Variants in TTC28 observed in about 807,000 individuals in gnomAD.
TTC28 encodes tetratricopeptide repeat protein 28.
TTC28 carries 61 observed loss-of-function variants against 198.0 expected under a neutral mutation model. The observed-to-expected ratio is 0.31, with a 90% confidence interval of 0.25 to 0.38. The LOEUF is 0.38. Ranked by LOEUF, TTC28 falls within the 10% of genes least tolerant of loss-of-function variation. TTC28 has a pLI of 1.00. For synonymous variants in TTC28, 1,171 were observed against 1,297.8 expected, an observed-to-expected ratio of 0.90 and a Z score of 2.10; for missense variants, 2,678 against 3,164.0, an observed-to-expected ratio of 0.85 and a Z score of 3.69.
At chr22:28,599,522 C>T (rs553449919) in intron 2 of TTC28, among the ~76,000 whole-genome samples, 2 of 152,188 alleles carry the variant, frequency 1.3e-5, no homozygotes, top group Non-Finnish European at 2.9e-5. Flanking sequence ...GGCGTGGTGG[C>T]TCATGCCTGT....
chr22:28,306,793 C>T, intron 2 of TTC28, 150 bp from the exon 3 acceptor site: 2 of 799,334 alleles, frequency 2.5e-6, no homozygotes, highest in South Asian at 2.0e-5. Flanking sequence ...AATGAACTAA[C>T]TTCTAACATC....
intron 2 of TTC28, among the ~76,000 whole-genome samples, chr22:28,493,353 C>A (rs1025008883): frequency 3.3e-5 from 5 of 151,784 alleles, no homozygotes; most frequent in African/African-American, 1.2e-4. Flanking sequence ...GAGACTGAGT[C>A]TCAAAAAAAA....
At chr22:28,442,007 T>C (rs2047629724) in intron 2 of TTC28, among the ~76,000 whole-genome samples, 1 of 152,004 alleles carries the variant, frequency 6.6e-6, no homozygotes. Context: ...GGCCAACAAC[T>C]TGAAGAAAGC....
At chr22:28,089,807 C>CT (rs1332448456) in intron 12 of TTC28, among the ~76,000 whole-genome samples, 2 of 151,238 alleles carry the variant, frequency 1.3e-5, no homozygotes, top group African/African-American at 4.8e-5. Context: ...AGTTCCTGTC[C>CT]TTTGTAGGGA....
chr22:28,077,800 G>C (rs547055762), intron 12 of TTC28, among the ~76,000 whole-genome samples: 1 of 152,068 alleles, frequency 6.6e-6, no homozygotes, highest in Non-Finnish European at 1.5e-5. Flanking sequence ...TACAATAAAG[G>C]AACATTTACC....
intron 2 of TTC28, among the ~76,000 whole-genome samples, chr22:28,308,081 C>A (rs1203879997): frequency 6.6e-6 from 1 of 152,140 alleles, no homozygotes; most frequent in Non-Finnish European, 1.5e-5. Context: ...CAAATTATTA[C>A]AGACTACTGA....
At chr22:28,612,191 A>G (rs1026568819) in intron 2 of TTC28, among the ~76,000 whole-genome samples, 1 of 152,218 alleles carries the variant, frequency 6.6e-6, no homozygotes, top group Non-Finnish European at 1.5e-5. Context: ...TCTCTGATAA[A>G]ACAGAGTTTA....
chr22:28,515,759 C>T (rs554656293), intron 2 of TTC28, among the ~76,000 whole-genome samples: 8 of 152,224 alleles, frequency 5.3e-5, no homozygotes, highest in East Asian at 3.9e-4. Flanking sequence ...TATCATATAA[C>T]TTAATACATC....
chr22:28,468,559 C>G (rs2048055885), intron 2 of TTC28, among the ~76,000 whole-genome samples: 1 of 151,822 alleles, frequency 6.6e-6, no homozygotes, highest in Admixed American at 6.6e-5. Context: ...CTCTGTCGCC[C>G]AGGCTGGAGT....
At position 28,107,752 on chromosome 22, in the gene TTC28, T is replaced by C. The variant is rs1465069620; in HGVS notation, c.2093A>G (p.Lys698Arg). 6.4e-7 allele frequency: 1 copy of C among 1,551,984 alleles called. No homozygotes were observed. Among genetic ancestry groups the C allele is most frequent in the South Asian group, 1.2e-5 (1 of 84,066 alleles). ...AGACTGGGCTAGGGACAGTAGGTAC[T>C]TCTGACACTCTTCAGCTTTACTGAA... is the stretch of plus-strand genomic sequence containing the variant. ...LNFSKAEECQ[K>R]YLLSLAQSLN... The change falls in exon 7 of 23, where the codon AAG (lysine) becomes AGG (arginine). Residue 698 changes from lysine to arginine, a missense_variant. Lys to Arg is a conservative substitution (Grantham distance 26). This residue lies in a region of TTC28 where 775 missense variants were observed against 845.9 expected (regional missense o/e 0.92). Transcript: ENST00000397906.
chr22:28,016,971 G>T (rs950262884), intron 13 of TTC28, among the ~76,000 whole-genome samples: 4 of 152,228 alleles, frequency 2.6e-5, no homozygotes, highest in Admixed American at 6.5e-5. Flanking sequence ...GGAAAGGCTG[G>T]AGTCTGATGC....
chr22:28,281,381 T>C (rs1218929765), intron 5 of TTC28, among the ~76,000 whole-genome samples: 1 of 139,086 alleles, frequency 7.2e-6, no homozygotes, highest in African/African-American at 2.8e-5. Context: ...TAATGTTTTA[T>C]TAAATCCATC....
intron 6 of TTC28, among the ~76,000 whole-genome samples, chr22:28,111,540 A>C (rs1299714867): frequency 1.3e-5 from 2 of 151,164 alleles, no homozygotes; most frequent in Admixed American, 1.3e-4. Flanking sequence ...TTTTTTTTTT[A>C]CATTTCTCCC....
chr22:28,649,195 A>C (rs1331363680), intron 1 of TTC28, among the ~76,000 whole-genome samples: 1 of 152,088 alleles, frequency 6.6e-6, no homozygotes, highest in East Asian at 1.9e-4. Context: ...TATAAAAGAC[A>C]TTGGAGACTC....
chr22:28,229,709 C>T (rs1286600185), intron 5 of TTC28, among the ~76,000 whole-genome samples: 7 of 152,032 alleles, frequency 4.6e-5, no homozygotes, highest in African/African-American at 1.2e-4. Flanking sequence ...TACAAGCATA[C>T]GAATCAGGAG....
intron 1 of TTC28, among the ~76,000 whole-genome samples, chr22:28,662,109 AAATT>A (rs1204963090): frequency 1.3e-5 from 2 of 152,226 alleles, no homozygotes; most frequent in African/African-American, 2.4e-5. Flanking sequence ...TCTTTTCATT[AAATT>A]AATAGATAAT....
chr22:28,585,582 C>A (rs1341137620), intron 2 of TTC28, among the ~76,000 whole-genome samples: 1 of 152,144 alleles, frequency 6.6e-6, no homozygotes, highest in East Asian at 1.9e-4. Context: ...GGACACGGAC[C>A]AGTATCAGTC....
chr22:28,102,125 C>T (rs1942173471), intron 8 of TTC28, among the ~76,000 whole-genome samples: 1 of 152,176 alleles, frequency 6.6e-6, no homozygotes, highest in Non-Finnish European at 1.5e-5. Context: ...TAGTTAAATA[C>T]AGAAGGCAAA....
In TTC28 at chr22:28,478,250, G is replaced by C. The variant is rs182393048; in HGVS notation, c.381+151302C>G. On this transcript the variant is annotated intron_variant, in intron 2 of 22. Coordinates refer to ENST00000397906, the MANE Select transcript of TTC28 (RefSeq NM_001145418.2). ...TGTCCAGGTGCGGTGGCTCAAGCCT[G>C]TAATCCCAGCACTTTGGAAGGCCGA... Among the ~76,000 whole-genome samples, 41 of 152,310 alleles carry C rather than the reference G, an allele frequency of 2.7e-4. No homozygotes were observed. In the East Asian group the frequency reaches 7.5e-3, roughly 28 times the overall value.
Sources: allele counts gnomAD v4.1 joint callset (sites outside exome capture counted in the v4.1 genomes callset), GRCh38; gene constraint gnomAD v4.1.1; regional missense constraint gnomAD v4.1.1; transcripts MANE v1.5; gene names NCBI Gene and HGNC (gene_info 2026-07-23, HGNC 2026-07-21).